Variants in CABLES1 observed in about 807,000 individuals in gnomAD.
CABLES1 encodes the protein Cdk5 and Abl enzyme substrate 1, also known as CDK5 and ABL1 enzyme substrate 1.
A neutral mutation model predicts 57.8 loss-of-function variants in CABLES1; 36 were observed. The ratio of observed to expected loss-of-function variants is 0.62; its 90% confidence interval spans 0.48 to 0.82. The LOEUF (loss-of-function observed/expected upper bound fraction) is 0.82. Ranked by LOEUF, CABLES1 falls within the 40% of genes least tolerant of loss-of-function variation. CABLES1 has a pLI of 0.00. For missense variants in CABLES1, 767 were observed against 836.6 expected (o/e 0.92, Z 1.03); for synonymous variants, 374 against 363.0 (o/e 1.03, Z -0.35).
chr18:23,153,987 C>T (rs1568045382), intron 1 of CABLES1, among the ~76,000 whole-genome samples: 1 of 151,442 alleles, frequency 6.6e-6, no homozygotes, highest in Non-Finnish European at 1.5e-5. Context: ...CCCGAAGTCA[C>T]ACCACCCACT....
Position 23,210,671 on chromosome 18 carries a change from G to A in CABLES1, c.1011-3306G>A, listed in dbSNP as rs545918459. On this transcript the variant is annotated intron_variant, in intron 3 of 9. Transcript: ENST00000256925. ...TCCCAGTGTAAGAAGCCAAGAAGACGGGAGCCATCACTTGCTGCTACTTGC... is the reference window on the plus strand; with the variant it reads ...TCCCAGTGTAAGAAGCCAAGAAGACAGGAGCCATCACTTGCTGCTACTTGC... Among the ~76,000 whole-genome samples, 27 of 152,286 alleles carry A rather than the reference G, an allele frequency of 1.8e-4. 1 individual carries two copies. In the South Asian group the frequency reaches 3.9e-3, roughly 22 times the overall value.
intron 1 of CABLES1, among the ~76,000 whole-genome samples, chr18:23,153,499 T>A (rs1040091198): frequency 6.6e-6 from 1 of 152,076 alleles, no homozygotes; most frequent in Non-Finnish European, 1.5e-5. Flanking sequence ...TTTGGGAGGC[T>A]GAGGCAGACA....
At chr18:23,136,780 T>C (rs1450732853) in intron 1 of CABLES1, among the ~76,000 whole-genome samples, 173 bp downstream of exon 1, 1 of 152,038 alleles carries the variant, frequency 6.6e-6, no homozygotes, top group African/African-American at 2.4e-5. Flanking sequence ...AGAGGGGGCG[T>C]CCCCAGGGAG....
intron 7 of CABLES1, among the ~76,000 whole-genome samples, chr18:23,251,555 A>G (rs1365630997): frequency 6.6e-6 from 1 of 152,220 alleles, no homozygotes; most frequent in African/African-American, 2.4e-5. Flanking sequence ...AAACCCAGAA[A>G]AAAATTGTTT....
intron 1 of CABLES1, among the ~76,000 whole-genome samples, chr18:23,145,856 T>C (rs2046888786): frequency 6.6e-6 from 1 of 152,224 alleles, no homozygotes; most frequent in Non-Finnish European, 1.5e-5. Flanking sequence ...TGGGGCTTAT[T>C]ACTGCACATT....
intron 4 of CABLES1, among the ~76,000 whole-genome samples, chr18:23,226,401 CAAA>C (rs35135711): frequency 1.4e-4 from 18 of 131,056 alleles, no homozygotes; most frequent in Admixed American, 2.2e-4. Context: ...GACTTCATCT[CAAA>C]AAAAAAAAAA....
chr18:23,208,615 A>T (rs1025304351), intron 3 of CABLES1, among the ~76,000 whole-genome samples: 4 of 152,306 alleles, frequency 2.6e-5, no homozygotes, highest in Admixed American at 1.3e-4. Flanking sequence ...CACAGCACTC[A>T]TAGTGTGGTG....
At chr18:23,150,624 C>T (rs896157764) in intron 1 of CABLES1, among the ~76,000 whole-genome samples, 2 of 152,166 alleles carry the variant, frequency 1.3e-5, no homozygotes, top group African/African-American at 4.8e-5. Flanking sequence ...CCTGCCACCA[C>T]AGACCTTAGT....
At chr18:23,153,745 A>T (rs1381673027) in intron 1 of CABLES1, among the ~76,000 whole-genome samples, 1 of 151,298 alleles carries the variant, frequency 6.6e-6, no homozygotes, top group Non-Finnish European at 1.5e-5. Context: ...AAAAACAAAA[A>T]ATAGGCCAGG....
chr18:23,237,456 G>A (rs2047631102), intron 7 of CABLES1, among the ~76,000 whole-genome samples: 1 of 152,230 alleles, frequency 6.6e-6, no homozygotes, highest in Admixed American at 6.5e-5. Flanking sequence ...TCAAGGCTGG[G>A]CTGCCAGTGT....
intron 7 of CABLES1, among the ~76,000 whole-genome samples, chr18:23,250,301 G>A (rs534015985): frequency 6.6e-6 from 1 of 151,672 alleles, no homozygotes; most frequent in South Asian, 2.1e-4. Flanking sequence ...TAGAGGAAGA[G>A]TAGAAGCGGC....
chr18:23,209,705 T>A (rs1157299436), intron 3 of CABLES1, among the ~76,000 whole-genome samples: 2 of 152,184 alleles, frequency 1.3e-5, no homozygotes, highest in African/African-American at 4.8e-5. Flanking sequence ...AGATGAGACC[T>A]TCTCACAACC....
chr18:23,172,400 G>A (rs1193956870), intron 1 of CABLES1, among the ~76,000 whole-genome samples: 1 of 152,122 alleles, frequency 6.6e-6, no homozygotes, highest in South Asian at 2.1e-4. Flanking sequence ...CACACACCTT[G>A]CATCTGATTT....
intron 4 of CABLES1, among the ~76,000 whole-genome samples, chr18:23,228,370 C>G (rs1298439267): frequency 6.6e-6 from 1 of 152,098 alleles, no homozygotes; most frequent in African/African-American, 2.4e-5. Context: ...CCCTTTGGCC[C>G]CAAGATAGCT....
chr18:23,144,792 T>C (rs1006084852), intron 1 of CABLES1, among the ~76,000 whole-genome samples: 3 of 152,156 alleles, frequency 2.0e-5, no homozygotes, highest in African/African-American at 7.2e-5. Flanking sequence ...TCTGAGGTGG[T>C]TGCTGAAATC....
At chr18:23,188,559 G>A (rs1188709176) in intron 1 of CABLES1, among the ~76,000 whole-genome samples, 1 of 152,162 alleles carries the variant, frequency 6.6e-6, no homozygotes, top group Non-Finnish European at 1.5e-5. Flanking sequence ...GTGTGTGTGT[G>A]TGTGTGTCCT....
upstream of CABLES1, chr18:23,135,384 C>T: frequency 6.6e-6 from 1 of 152,578 alleles, no homozygotes; most frequent in Non-Finnish European, 1.5e-5. Context: ...CCTCCCAGGT[C>T]GCATTCCCCA....
At chr18:23,213,785 A>C (rs1406576987) in intron 3 of CABLES1, among the ~76,000 whole-genome samples, 192 bp from the exon 4 acceptor site, 1 of 152,194 alleles carries the variant, frequency 6.6e-6, no homozygotes, top group East Asian at 1.9e-4. Flanking sequence ...GGATGAGGAG[A>C]GGCAGCCCAC....
intron 7 of CABLES1, 45 bp downstream of exon 7, chr18:23,237,290 GC>G: frequency 7.4e-7 from 1 of 1,350,576 alleles, no homozygotes; most frequent in Non-Finnish European, 1.1e-6. Context: ...ACCGTCAGTT[GC>G]CCCACCTGGG....
Sources: gnomAD v4.1 joint callset for allele counts (sites outside exome capture counted in the v4.1 genomes callset) on GRCh38, gnomAD v4.1.1 for gene constraint, MANE v1.5 for transcripts, NCBI Gene and HGNC (gene_info 2026-07-23, HGNC 2026-07-21) for gene names.